Variants in BABAM2 observed in about 807,000 individuals in gnomAD.
BABAM2 encodes the protein BRISC and BRCA1-A complex member 2.
BABAM2 carries 31 observed loss-of-function variants against 54.7 expected under a neutral mutation model. The observed-to-expected ratio is 0.57, with a 90% CI of 0.43 to 0.77. The LOEUF (loss-of-function observed/expected upper bound fraction) is 0.77, where lower values mean the gene tolerates loss of function less well. Among genes scored for constraint, BABAM2 ranks in the 30% least tolerant of loss-of-function variants. The pLI is 0.00. For synonymous variants in BABAM2, 167 were observed against 162.9 expected (o/e 1.03, Z -0.19); for missense variants, 364 against 455.8 (o/e 0.80, Z 1.83).
At chr2:28,182,940 G>A (rs1021023769) in intron 7 of BABAM2, among the ~76,000 whole-genome samples, 1 of 152,140 alleles carries the variant, frequency 6.6e-6, no homozygotes, top group Non-Finnish European at 1.5e-5. Context: ...CACACATCTA[G>A]TCCAACCCTT....
At chr2:28,137,141 C>T (rs1197830507) in intron 7 of BABAM2, among the ~76,000 whole-genome samples, 1 of 151,902 alleles carries the variant, frequency 6.6e-6, no homozygotes, top group South Asian at 2.1e-4. Context: ...TCAGTCTTCT[C>T]AAAAAAGAGA....
chr2:28,254,947 G>A (rs888563691), intron 10 of BABAM2, among the ~76,000 whole-genome samples: 6 of 151,590 alleles, frequency 4.0e-5, no homozygotes, highest in African/African-American at 7.3e-5. Context: ...ATGTTGCCCA[G>A]GCTTGTCTCA....
chr2:28,198,660 C>G (rs1677903573), intron 7 of BABAM2, among the ~76,000 whole-genome samples: 1 of 152,138 alleles, frequency 6.6e-6, no homozygotes, highest in Non-Finnish European at 1.5e-5. Context: ...CCAGGGAAGC[C>G]TGAGCCTGGG....
At chr2:28,246,934 A>T (rs750551403) in intron 10 of BABAM2, among the ~76,000 whole-genome samples, 8 of 152,180 alleles carry the variant, frequency 5.3e-5, no homozygotes, top group Non-Finnish European at 1.2e-4. Context: ...TTTATTCCCC[A>T]CAGAATATTT....
intron 7 of BABAM2, among the ~76,000 whole-genome samples, chr2:28,176,939 A>G (rs1675070486): frequency 6.6e-6 from 1 of 151,966 alleles, no homozygotes. Flanking sequence ...TCAAATTTTG[A>G]GTGTTCCAGA....
At chr2:27,933,930 C>T (rs188553727) in intron 3 of BABAM2, among the ~76,000 whole-genome samples, 3 of 152,156 alleles carry the variant, frequency 2.0e-5, no homozygotes, top group East Asian at 1.9e-4. Flanking sequence ...AGTTATCCCT[C>T]AATATCCATG....
chr2:28,066,137 C>T (rs143247105), intron 6 of BABAM2, among the ~76,000 whole-genome samples: 18 of 148,332 alleles, frequency 1.2e-4, no homozygotes, highest in African/African-American at 3.2e-4. Flanking sequence ...CCAGCCTAGG[C>T]GACAGAATGA....
intron 11 of BABAM2, among the ~76,000 whole-genome samples, chr2:28,305,775 G>A (rs916137834): frequency 6.6e-6 from 1 of 152,116 alleles, no homozygotes; most frequent in Non-Finnish European, 1.5e-5. Context: ...AGTTGTCAAA[G>A]TGATTGGCAA....
At chr2:28,152,821 T>A (rs1290837614) in intron 7 of BABAM2, among the ~76,000 whole-genome samples, 2 of 152,204 alleles carry the variant, frequency 1.3e-5, no homozygotes, top group Non-Finnish European at 2.9e-5. Flanking sequence ...CTACTAGGCA[T>A]TGAGCCCTAA....
At chr2:28,209,547 A>G (rs1679232996) in intron 7 of BABAM2, among the ~76,000 whole-genome samples, 1 of 152,148 alleles carries the variant, frequency 6.6e-6, no homozygotes, top group South Asian at 2.1e-4. Flanking sequence ...GAGAGGGAGG[A>G]GGGGAGGCCT....
chr2:28,098,703 G>T (rs1666824281), intron 6 of BABAM2, among the ~76,000 whole-genome samples: 1 of 152,150 alleles, frequency 6.6e-6, no homozygotes, highest in African/African-American at 2.4e-5. Context: ...GAGATGAAAT[G>T]GATCCCAAGT....
intron 10 of BABAM2, among the ~76,000 whole-genome samples, chr2:28,273,378 TGAAAGG>T (rs1685598986): frequency 6.6e-6 from 1 of 152,146 alleles, no homozygotes; most frequent in East Asian, 1.9e-4. Context: ...CTGTTCAATC[TGAAAGG>T]GGTTAGGGAG....
intron 11 of BABAM2, among the ~76,000 whole-genome samples, chr2:28,302,230 A>G (rs1175477867): frequency 6.6e-6 from 1 of 152,168 alleles, no homozygotes; most frequent in African/African-American, 2.4e-5. Context: ...CAGTCTGGCC[A>G]ACATGGGAAA....
At chr2:28,240,093 A>G (rs768889265) in intron 8 of BABAM2, among the ~76,000 whole-genome samples, 14 of 151,782 alleles carry the variant, frequency 9.2e-5, no homozygotes, top group Admixed American at 2.0e-4. Flanking sequence ...TACTAGCACA[A>G]TTTGTTTTCT....
At chr2:28,061,584 CAAAAAAA>C (rs397871191) in intron 6 of BABAM2, among the ~76,000 whole-genome samples, 7 of 54,086 alleles carry the variant, frequency 1.3e-4, no homozygotes, top group Admixed American at 2.0e-4. Flanking sequence ...GACTCTGTCT[CAAAAAAA>C]AAAAAAAAAA....
At chr2:28,277,262 C>T (rs1573983973) in intron 10 of BABAM2, among the ~76,000 whole-genome samples, 1 of 152,126 alleles carries the variant, frequency 6.6e-6, no homozygotes, top group Non-Finnish European at 1.5e-5. Context: ...CCCGCCACCA[C>T]ACCTAGCTAA....
chr2:28,060,506 A>G (rs1678773508), intron 6 of BABAM2, among the ~76,000 whole-genome samples: 1 of 152,214 alleles, frequency 6.6e-6, no homozygotes. Context: ...GCAATAAAGC[A>G]AGAAAAAGGA....
chr2:27,908,520 A>G (rs1004820807), intron 2 of BABAM2, among the ~76,000 whole-genome samples: 9 of 151,994 alleles, frequency 5.9e-5, no homozygotes, highest in South Asian at 2.1e-4. Context: ...CCATCCACCC[A>G]CCTTGGCCTC....
At chr2:28,128,111 C>T (rs943143503) in intron 6 of BABAM2, among the ~76,000 whole-genome samples, 2 of 152,076 alleles carry the variant, frequency 1.3e-5, no homozygotes, top group South Asian at 2.1e-4. Flanking sequence ...CGCGCCCAGC[C>T]GAGTAATGAG....
Sources: allele counts gnomAD v4.1 joint callset (sites outside exome capture counted in the v4.1 genomes callset), GRCh38; gene constraint gnomAD v4.1.1; transcripts MANE v1.5; gene names NCBI Gene and HGNC (gene_info 2026-07-23, HGNC 2026-07-21).